The following LPP variants were observed in gnomAD, a reference collection of about 807,000 sequenced individuals.
The protein encoded by LPP is lipoma-preferred partner.
LPP carries 38 observed loss-of-function variants against 60.4 expected under a neutral mutation model. That is an observed-to-expected ratio of 0.63 (90% CI 0.49 to 0.83). The LOEUF (loss-of-function observed/expected upper bound fraction) is 0.83. Among genes scored for constraint, LPP ranks in the 40% least tolerant of loss-of-function variants. The probability of loss-of-function intolerance (pLI) is 0.00; values close to 1 mark genes in which losing one functional copy is unlikely to be tolerated. For synonymous variants in LPP, 328 were observed against 290.8 expected, an observed-to-expected ratio of 1.13 and a Z score of -1.30; for missense variants, 902 against 783.6, an observed-to-expected ratio of 1.15 and a Z score of -1.80.
Position 188,172,850 on chromosome 3 carries a change from C to G in LPP, c.-190+18598C>G, listed in dbSNP as rs757653809. On this transcript the variant is annotated intron_variant, in intron 1 of 11. Transcript: ENST00000617246. ...CAGTTTAGGATCATTTTAAAACTTT[C>G]ATCTTCTTTAATATTTATTTACTTA... Among the ~76,000 whole-genome samples, 46 of 152,246 alleles carry G rather than the reference C, an allele frequency of 3.0e-4. 1 individual carries two copies. The highest frequency in any genetic ancestry group is 5.9e-4 in the Admixed American group (9 of 15,296).
Position 188,522,821 on chromosome 3 carries a change from A to G in LPP, c.307-1844A>G, listed in dbSNP as rs28446802. Among the ~76,000 whole-genome samples, 827 of 134,660 alleles carry G rather than the reference A, an allele frequency of 6.1e-3. 12 individuals are homozygous for G. Among genetic ancestry groups the G allele is most frequent in the African/African-American group, 0.021 (778 of 36,202 alleles). The allele number at this position is 134,660 out of a possible 152,430, so 88.3% of individuals were successfully genotyped here. A position where few individuals can be genotyped will look rare whatever the true frequency, so the allele number is the denominator to read the frequency against. ...TATATATATATATATATATATGTGT[A>G]TGTGTGTGTGTATGTGTGTGTACGT... On this transcript the variant is annotated intron_variant, in intron 5 of 11. Coordinates refer to ENST00000617246, the MANE Select transcript of LPP (RefSeq NM_001375462.1).
chr3:188,537,948 T>C (rs139317271), intron 6 of LPP, among the ~76,000 whole-genome samples: 1 of 152,282 alleles, frequency 6.6e-6, no homozygotes, highest in East Asian at 1.9e-4. Flanking sequence ...ATTATGTTTA[T>C]GGACAATTGA....
chr3:188,744,742 C>G lies in LPP; in HGVS notation c.1241-15371C>G, dbSNP rs1420969843. ...CTTCAGTTTTTCCTCTACATTATAGCTAGAGATTTTGCTAAAATGTATATA... is the reference window on the plus strand; with the variant it reads ...CTTCAGTTTTTCCTCTACATTATAGGTAGAGATTTTGCTAAAATGTATATA... On this transcript the variant is annotated intron_variant, in intron 8 of 11. Transcript: ENST00000617246. 2.0e-5 allele frequency among the ~76,000 whole-genome samples: 3 copies of G among 152,272 alleles called. No homozygotes were observed. The East Asian group carries it at 5.8e-4, about 29-fold the overall frequency.
intron 7 of LPP, among the ~76,000 whole-genome samples, chr3:188,662,085 T>A (rs1854708815): frequency 6.6e-6 from 1 of 152,256 alleles, no homozygotes; most frequent in Admixed American, 6.5e-5. Flanking sequence ...ATCCTGTCCT[T>A]ATGTGAAACA....
intron 4 of LPP, among the ~76,000 whole-genome samples, chr3:188,422,911 CTTTGTG>C (rs1453580550): frequency 1.8e-5 from 2 of 108,602 alleles, no homozygotes; most frequent in Non-Finnish European, 3.9e-5. Flanking sequence ...TTGGTGTCTT[CTTTGTG>C]TGTGTGTGTG....
At chr3:188,706,830 G>A (rs542345017) in intron 7 of LPP, among the ~76,000 whole-genome samples, 7 of 152,294 alleles carry the variant, frequency 4.6e-5, no homozygotes, top group African/African-American at 1.7e-4. Context: ...ATCAAGGCAA[G>A]AGCATTCCCA....
intron 4 of LPP, among the ~76,000 whole-genome samples, chr3:188,478,203 T>C (rs1481049242): frequency 6.6e-6 from 1 of 152,196 alleles, no homozygotes; most frequent in Non-Finnish European, 1.5e-5. Flanking sequence ...TTAGATTCAG[T>C]TGCCCTCTTG....
At chr3:188,397,360 A>G (rs902577357) in intron 3 of LPP, among the ~76,000 whole-genome samples, 1 of 152,280 alleles carries the variant, frequency 6.6e-6, no homozygotes, top group East Asian at 1.9e-4. Flanking sequence ...GGGGTTCTCT[A>G]TGACCTTTTA....
At chr3:188,696,222 ACTCTCTCT>A (rs147482649) in intron 7 of LPP, among the ~76,000 whole-genome samples, 1 of 148,826 alleles carries the variant, frequency 6.7e-6, no homozygotes, top group Non-Finnish European at 1.5e-5. Flanking sequence ...AGCACACAGT[ACTCTCTCT>A]CTCTCTCTCT....
intron 1 of LPP, among the ~76,000 whole-genome samples, chr3:188,198,960 G>T (rs1730287027): frequency 6.6e-6 from 1 of 152,186 alleles, no homozygotes; most frequent in Admixed American, 6.5e-5. Context: ...TATGCTCATG[G>T]ATTATGTGGA....
intron 5 of LPP, among the ~76,000 whole-genome samples, chr3:188,515,936 T>TAG (rs1817243596): frequency 6.6e-6 from 1 of 151,932 alleles, no homozygotes; most frequent in South Asian, 2.1e-4. Context: ...GTAGAATACA[T>TAG]ATATATAAAC....
chr3:188,464,525 G>T (rs779460165), intron 4 of LPP, among the ~76,000 whole-genome samples: 1 of 152,140 alleles, frequency 6.6e-6, no homozygotes, highest in Non-Finnish European at 1.5e-5. Context: ...GGGAAGAGGA[G>T]AAGTAAGTAG....
At chr3:188,539,956 T>C (rs1283615796) in intron 6 of LPP, among the ~76,000 whole-genome samples, 1 of 152,168 alleles carries the variant, frequency 6.6e-6, no homozygotes, top group African/African-American at 2.4e-5. Context: ...AAGACCTTCA[T>C]TCTGTTCCAG....
intron 6 of LPP, among the ~76,000 whole-genome samples, chr3:188,585,749 A>C (rs1056947854): frequency 3.3e-5 from 5 of 152,232 alleles, no homozygotes; most frequent in Non-Finnish European, 7.3e-5. Context: ...AAACATGTAA[A>C]TGTATTTGTT....
chr3:188,485,412 T>C (rs967899241), intron 5 of LPP, among the ~76,000 whole-genome samples: 1 of 152,204 alleles, frequency 6.6e-6, no homozygotes, highest in Non-Finnish European at 1.5e-5. Flanking sequence ...ATTATTGTTA[T>C]AGTTTTAGGT....
At position 188,523,901 on chromosome 3, in the gene LPP, A is replaced by AC. The variant is rs11271815; in HGVS notation, c.307-764_307-763insC. ...AATACTAGGGTCATCTCACTTTATA[A>AC]TCCAGACAGATTCTTTGCTTCTTTT... On this transcript the variant is annotated intron_variant, in intron 5 of 11. Coordinates refer to ENST00000617246, the MANE Select transcript of LPP (RefSeq NM_001375462.1). 3.9e-5 allele frequency among the ~76,000 whole-genome samples: 6 copies of AC among 152,144 alleles called. No homozygotes were observed. In the South Asian group the frequency reaches 1.0e-3, roughly 26 times the overall value.
intron 6 of LPP, among the ~76,000 whole-genome samples, chr3:188,536,378 T>C (rs1367930029): frequency 1.3e-5 from 2 of 152,308 alleles, no homozygotes; most frequent in African/African-American, 2.4e-5. Context: ...GCCTCTAAGA[T>C]TCACCTCTTC....
intron 4 of LPP, among the ~76,000 whole-genome samples, chr3:188,454,596 C>T (rs1485823600): frequency 6.6e-6 from 1 of 151,966 alleles, no homozygotes; most frequent in East Asian, 1.9e-4. Context: ...AAAGACATAC[C>T]CGAGACTGGG....
intron 2 of LPP, among the ~76,000 whole-genome samples, chr3:188,279,105 G>A (rs1056095343): frequency 6.6e-6 from 1 of 152,066 alleles, no homozygotes; most frequent in Non-Finnish European, 1.5e-5. Flanking sequence ...GGCCATTTGG[G>A]GTCACTGCCT....
Sources: gnomAD v4.1 joint callset for allele counts (sites outside exome capture counted in the v4.1 genomes callset) on GRCh38, gnomAD v4.1.1 for gene constraint, MANE v1.5 for transcripts, NCBI Gene and HGNC (gene_info 2026-07-23, HGNC 2026-07-21) for gene names.